CNTN6: variants seen among roughly 807,000 people sequenced by gnomAD.
CNTN6 encodes contactin-6.
Under a neutral mutation model 122.8 loss-of-function variants are expected in CNTN6, and 137 were observed. That is an observed-to-expected ratio of 1.12 (90% CI 0.97 to 1.29). CNTN6 has a LOEUF of 1.29. CNTN6 is among the 50% of genes most tolerant of loss of function. CNTN6 has a pLI of 0.00. For missense variants in CNTN6, 1,634 were observed against 1,223.4 expected (o/e 1.34, Z -5.01); for synonymous variants, 570 against 426.0 (o/e 1.34, Z -4.16).
At chr3:1,194,507 T>C (rs2093747788) in intron 2 of CNTN6, among the ~76,000 whole-genome samples, 1 of 152,166 alleles carries the variant, frequency 6.6e-6, no homozygotes, top group Non-Finnish European at 1.5e-5. Flanking sequence ...AATATGCTAA[T>C]AATGTATTAT....
chr3:1,165,471 T>G (rs1454678775), intron 2 of CNTN6, among the ~76,000 whole-genome samples: 9 of 152,184 alleles, frequency 5.9e-5, no homozygotes, highest in Non-Finnish European at 1.2e-4. Flanking sequence ...CAACCTTGTA[T>G]TGAAGCTCTA....
At chr3:1,388,232 C>T (rs1226639426) in intron 20 of CNTN6, among the ~76,000 whole-genome samples, 1 of 149,326 alleles carries the variant, frequency 6.7e-6, no homozygotes, top group African/African-American at 2.5e-5. Flanking sequence ...GGCACACTGC[C>T]TCCTCAAGTG....
At chr3:1,317,968 T>A (rs1334496103) in intron 7 of CNTN6, among the ~76,000 whole-genome samples, 1 of 150,632 alleles carries the variant, frequency 6.6e-6, no homozygotes, top group East Asian at 2.0e-4. Flanking sequence ...ATCTTCAAAA[T>A]GGAACAATAT....
At chr3:1,337,122 A>G (rs527976888) in intron 11 of CNTN6, among the ~76,000 whole-genome samples, 1 of 152,248 alleles carries the variant, frequency 6.6e-6, no homozygotes, top group East Asian at 1.9e-4. Flanking sequence ...ACAGAAAAAA[A>G]TTAGTTTGTC....
intron 12 of CNTN6, among the ~76,000 whole-genome samples, chr3:1,367,761 A>C (rs966703842): frequency 1.3e-5 from 2 of 152,106 alleles, no homozygotes; most frequent in African/African-American, 4.8e-5. Context: ...TCCTGAGGGC[A>C]TGGGCACATC....
At position 1,098,789 on chromosome 3, in the gene CNTN6, CATATATAT is replaced by C. The variant is rs1169127167; in HGVS notation, c.-83+5691_-83+5698del. ...ACACACACACACACACACACACACA[CATATATAT>C]ATATATATATATATATATATAGTGG... On this transcript the variant is annotated intron_variant, in intron 1 of 22. Coordinates refer to ENST00000446702, the MANE Select transcript of CNTN6 (RefSeq NM_001289080.2). Among the ~76,000 whole-genome samples the C allele has an allele frequency of 3.2e-4, 20 of 63,260 alleles. No homozygotes were observed. The East Asian group carries it at 5.9e-3, about 19-fold the overall frequency. The allele number at this position is 63,260 out of a possible 152,430, so 41.5% of individuals were successfully genotyped here.
intron 11 of CNTN6, among the ~76,000 whole-genome samples, chr3:1,331,068 A>G (rs1173287313): frequency 6.6e-6 from 1 of 151,910 alleles, no homozygotes; most frequent in Non-Finnish European, 1.5e-5. Flanking sequence ...TGGCCGAGGA[A>G]AAAAGAGGTG....
intron 2 of CNTN6, among the ~76,000 whole-genome samples, chr3:1,182,117 T>C (rs1167116419): frequency 1.3e-5 from 2 of 152,190 alleles, no homozygotes; most frequent in Non-Finnish European, 2.9e-5. Flanking sequence ...TCATTCATTC[T>C]ACTAATATTT....
At chr3:1,158,226 C>T (rs55844318) in intron 2 of CNTN6, among the ~76,000 whole-genome samples, 28,776 of 152,102 alleles carry the variant, frequency 0.19, 3,511 homozygotes, top group African/African-American at 0.33. Context: ...TAAGCCATTT[C>T]AACTGGGGTG....
chr3:1,375,267 C>T (rs1338220184), intron 16 of CNTN6, among the ~76,000 whole-genome samples: 1 of 151,996 alleles, frequency 6.6e-6, no homozygotes, highest in Non-Finnish European at 1.5e-5. Context: ...GACAGAAACT[C>T]TTACATTTTC....
At chr3:1,325,666 C>T (rs948227246) in intron 8 of CNTN6, 149 bp from the exon 9 acceptor site, 9 of 639,264 alleles carry the variant, frequency 1.4e-5, no homozygotes, top group Middle Eastern at 2.8e-4. Flanking sequence ...ATTGAAGCTC[C>T]TGCATGTCCC....
chr3:1,385,663 T>G lies in CNTN6; in HGVS notation c.2570T>G (p.Val857Gly). Reference sequence around the variant, plus strand: ...GAATCCATGATAGGTAAAATTAGAGTCAGTGGAAATGTCACAACCAAAAAC... The same window carrying G: ...GAATCCATGATAGGTAAAATTAGAGGCAGTGGAAATGTCACAACCAAAAAC... Reference protein sequence around the residue: ...SKESMIGKIRVSGNVTTKNIT... With the variant: ...SKESMIGKIRGSGNVTTKNIT... The change falls in exon 20 of 23, where the codon GTC becomes GGC. Residue 857 changes from valine to glycine, a missense_variant. Coordinates refer to ENST00000446702, the MANE Select transcript of CNTN6 (RefSeq NM_001289080.2). 1 of 1,613,934 alleles carries G rather than the reference T, an allele frequency of 6.2e-7. No homozygotes were observed. The highest frequency in any genetic ancestry group is 8.5e-7 in the Non-Finnish European group (1 of 1,179,912).
chr3:1,388,356 CTGTT>C (rs1054308516), intron 20 of CNTN6, among the ~76,000 whole-genome samples: 1 of 147,990 alleles, frequency 6.8e-6, no homozygotes, highest in African/African-American at 2.5e-5. Flanking sequence ...AGGGTCCTGT[CTGTT>C]AGAAGGAAAA....
At chr3:1,103,431 G>A (rs1483288876) in intron 1 of CNTN6, among the ~76,000 whole-genome samples, 1 of 152,190 alleles carries the variant, frequency 6.6e-6, no homozygotes, top group Non-Finnish European at 1.5e-5. Context: ...TGCAGACTGT[G>A]CCTATGCGGT....
chr3:1,395,367 C>G (rs1694857110), intron 20 of CNTN6, among the ~76,000 whole-genome samples: 7 of 152,132 alleles, frequency 4.6e-5, no homozygotes. Context: ...TGCTCAAGGG[C>G]TGCACTAGCT....
At chr3:1,351,934 T>C (rs556277716) in intron 11 of CNTN6, among the ~76,000 whole-genome samples, 66 of 152,042 alleles carry the variant, frequency 4.3e-4, no homozygotes, top group African/African-American at 1.5e-3. Context: ...AAAATTAGCT[T>C]GCATTTCTCC....
intron 2 of CNTN6, among the ~76,000 whole-genome samples, chr3:1,191,886 G>C (rs965201055): frequency 5.1e-4 from 78 of 152,298 alleles, no homozygotes; most frequent in African/African-American, 1.8e-3. Flanking sequence ...AATGTCAAAA[G>C]TGTTGTGAGT....
chr3:1,216,903 T>C (rs1268675234), intron 2 of CNTN6, among the ~76,000 whole-genome samples: 12 of 152,296 alleles, frequency 7.9e-5, no homozygotes, highest in Non-Finnish European at 1.5e-5. Flanking sequence ...TTAAGACAGA[T>C]GTTAAATTTG....
chr3:1,228,455 G>T (rs1026421057), intron 4 of CNTN6, among the ~76,000 whole-genome samples: 3 of 152,118 alleles, frequency 2.0e-5, no homozygotes, highest in Admixed American at 2.0e-4. Context: ...GTTGCCAAAG[G>T]CAGGCTTTAT....
Sources: gnomAD v4.1 joint callset for allele counts (sites outside exome capture counted in the v4.1 genomes callset) on GRCh38, gnomAD v4.1.1 for gene constraint, MANE v1.5 for transcripts, NCBI Gene and HGNC (gene_info 2026-07-23, HGNC 2026-07-21) for gene names.